The following HSPBP1 variants were observed in gnomAD, a reference collection of about 807,000 sequenced individuals.
HSPBP1 encodes hsp70-binding protein 1.
HSPBP1 carries 31 observed loss-of-function variants against 41.7 expected under a neutral mutation model. The ratio of observed to expected loss-of-function variants is 0.74; its 90% CI spans 0.56 to 1.00. The LOEUF is 1.00. Among genes scored for constraint, HSPBP1 ranks in the 50% least tolerant of loss-of-function variants. The pLI, the probability that HSPBP1 is intolerant of heterozygous loss-of-function variation, is 0.00. For missense variants in HSPBP1, 439 were observed against 487.9 expected (o/e 0.90, Z 0.94); for synonymous variants, 199 against 214.4 (o/e 0.93, Z 0.63).
rs2087896952 is a variant in HSPBP1 at position 55,270,586 on chromosome 19, CAG to C, written c.640+3810_640+3811del. Among the ~76,000 whole-genome samples the C allele has an allele frequency of 1.3e-5, 2 of 152,116 alleles. No homozygotes were observed. The highest frequency in any genetic ancestry group is 1.9e-4 in the East Asian group (1 of 5,194). On this transcript the variant is annotated intron_variant, in intron 4 of 7. Transcript: ENST00000433386. The surrounding 1 kb of genome is among the most constrained non-coding windows in gnomAD (Gnocchi z 5.4). The stretch of plus-strand genomic sequence containing the variant: ...GCTACTGTTGCTTAAGAAAAAAGGA[CAG>C]AGGCAGGTCAAGGTGCGCCACAGTC...
chr19:55,277,570 T>G, intron 3 of HSPBP1, 72 bp downstream of exon 3: 1 of 1,464,270 alleles, frequency 6.8e-7, no homozygotes, highest in Non-Finnish European at 9.4e-7. Flanking sequence ...GCCCCAAGAG[T>G]AGGGGCAAGA....
chr19:55,269,881 G>C (rs1312006066), intron 4 of HSPBP1, among the ~76,000 whole-genome samples: 1 of 152,140 alleles, frequency 6.6e-6, no homozygotes, highest in African/African-American at 2.4e-5. Flanking sequence ...TGTCCATGTA[G>C]GTTCATCGAT....
intron 2 of HSPBP1, 74 bp from the exon 3 acceptor site, chr19:55,277,920 A>G: frequency 1.7e-6 from 2 of 1,202,930 alleles, no homozygotes; most frequent in South Asian, 3.2e-5. Context: ...ATTAATAAAG[A>G]CAGCCAACAA....
chr19:55,279,593 A>C lies in HSPBP1; in HGVS notation c.16T>G (p.Ser6Ala). 6.3e-7 allele frequency: 1 copy of C among 1,593,008 alleles called. No individual in the cohort carries two copies. The highest frequency in any genetic ancestry group is 8.5e-7 in the Non-Finnish European group (1 of 1,170,168). Reference sequence around the variant, plus strand: ...GCCAGGGGCAGGCGGCTCCCCCTTGAGCCTTCGTCTGACATGGGCCGTTTG... The same window carrying C: ...GCCAGGGGCAGGCGGCTCCCCCTTGCGCCTTCGTCTGACATGGGCCGTTTG... MSDEG[S>A]RGSRLPLALP... is the part of the protein sequence containing the mutation. Residue 6 changes from serine to alanine, a missense_variant, in exon 2 of 8, where the codon TCA becomes GCA. Ser to Ala is a moderately conservative substitution (Grantham distance 99). Coordinates refer to ENST00000433386, the MANE Select transcript of HSPBP1 (RefSeq NM_012267.5).
In HSPBP1 at chr19:55,262,480, G is replaced by T; in HGVS notation, c.*128C>A. On this transcript the variant is annotated 3_prime_UTR_variant, in exon 8 of 8. Coordinates refer to ENST00000433386, the MANE Select transcript of HSPBP1 (RefSeq NM_012267.5). ...GCGCCCCTTCCAGGGACTGCACAGA[G>T]ACGGGCTGGCACACCCTGGGTCCAG... The T allele has an allele frequency of 6.7e-7, 1 of 1,482,436 alleles. No homozygotes were observed. The allele number at this position is 1,482,436 out of a possible 1,614,324, so 91.8% of individuals were successfully genotyped here.
Position 55,268,197 on chromosome 19 carries a change from G to A in HSPBP1, c.641-1911C>T, listed in dbSNP as rs190528897. On this transcript the variant is annotated intron_variant, in intron 4 of 7. Transcript: ENST00000433386. This position sits in a 1 kb window ranked among gnomAD's most constrained non-coding sequence, Gnocchi z 4.5. ...TGTAATCCCAGCACTTTGGGAGGCC[G>A]AGGTGGGCAGATCACTTGAGGTCAG... Among the ~76,000 whole-genome samples the A allele has an allele frequency of 7.5e-4, 114 of 152,256 alleles. No homozygotes were observed. Among genetic ancestry groups the A allele is most frequent in the African/African-American group, 2.1e-3 (89 of 41,542 alleles).
Position 55,265,357 on chromosome 19 carries a change from T to G in HSPBP1, c.926A>C (p.Glu309Ala). 6.2e-7 allele frequency: 1 copy of G among 1,607,724 alleles called. No individual in the cohort carries two copies. The highest frequency in any genetic ancestry group is 1.3e-5 in the African/African-American group (1 of 74,408). ...CAGGCCCAGTTCCGGCTCCCGACAC[T>G]CGCGCACACCCTGCGGAAAGTCTGT... Reference protein sequence around the residue: ...LVTDFPQGVRECREPELGLEE... With the variant: ...LVTDFPQGVRACREPELGLEE... Residue 309 changes from glutamate to alanine, a missense_variant, in exon 7 of 8, where the codon GAG becomes GCG. By Grantham distance (107) the Glu-to-Ala change is moderately radical (BLOSUM62 -1). Transcript: ENST00000433386.
In HSPBP1 at chr19:55,262,593, A is replaced by G; in HGVS notation, c.*15T>C. 1 of 1,613,400 alleles carries G rather than the reference A, an allele frequency of 6.2e-7. No individual in the cohort carries two copies. Among genetic ancestry groups the G allele is most frequent in the Non-Finnish European group, 8.5e-7 (1 of 1,179,606 alleles). Reference sequence around the variant, plus strand: ...TGGGGTTCCCACGGAGAAGGGGGCAAGAAGCCACCTGGTTTCACCGATCCA... The same window carrying G: ...TGGGGTTCCCACGGAGAAGGGGGCAGGAAGCCACCTGGTTTCACCGATCCA... On this transcript the variant is annotated 3_prime_UTR_variant, in exon 8 of 8. Transcript: ENST00000433386.
intron 3 of HSPBP1, among the ~76,000 whole-genome samples, chr19:55,276,442 CT>C (rs1406705404): frequency 6.6e-6 from 1 of 152,204 alleles, no homozygotes; most frequent in East Asian, 1.9e-4. Flanking sequence ...CACTGTGCAT[CT>C]TCATTAAGAC....
At chr19:55,275,237 C>A (rs1194329411) in intron 3 of HSPBP1, among the ~76,000 whole-genome samples, 2 of 152,158 alleles carry the variant, frequency 1.3e-5, no homozygotes, top group African/African-American at 4.8e-5. Flanking sequence ...CCAGGGTCAG[C>A]AAACCACAGC....
intron 4 of HSPBP1, among the ~76,000 whole-genome samples, chr19:55,273,641 C>A (rs74826068): frequency 1.3e-5 from 2 of 152,162 alleles, no homozygotes; most frequent in Non-Finnish European, 2.9e-5. Flanking sequence ...GTGTCCCAGG[C>A]GGCAGTATTT....
intron 4 of HSPBP1, among the ~76,000 whole-genome samples, chr19:55,271,921 G>C (rs1203118931): frequency 6.6e-6 from 1 of 152,124 alleles, no homozygotes; most frequent in Non-Finnish European, 1.5e-5. Flanking sequence ...AATTAGCTGG[G>C]CATGGTGGCA....
At position 55,262,252 on chromosome 19, in the gene HSPBP1, TC is replaced by T. The variant is rs2087664773; in HGVS notation, c.*355del. On this transcript the variant is annotated 3_prime_UTR_variant, in exon 8 of 8. Coordinates refer to ENST00000433386, the MANE Select transcript of HSPBP1 (RefSeq NM_012267.5). ...TGATAAAGAGCAACACTTTTATTAT[TC>T]TTCCAGTGGCTCCCCAAGTCCCTTA... 3 of 478,846 alleles carry T rather than the reference TC, an allele frequency of 6.3e-6. No individual in the cohort carries two copies. The highest frequency in any genetic ancestry group is 8.5e-6 in the Non-Finnish European group (3 of 352,474). 29.7% of individuals were successfully genotyped at this position (478,846 alleles called of 1,614,324 possible). A position where few individuals can be genotyped will look rare whatever the true frequency, so the allele number is the denominator to read the frequency against.
Position 55,262,507 on chromosome 19 carries a change from C to G in HSPBP1, c.*101G>C, listed in dbSNP as rs556750561. On this transcript the variant is annotated 3_prime_UTR_variant, in exon 8 of 8. Coordinates refer to ENST00000433386, the MANE Select transcript of HSPBP1 (RefSeq NM_012267.5). ...CGGGCTGGCACACCCTGGGTCCAGGCACCTAGGCCCTGCGATCCCTTGGGA... is the reference window on the plus strand; with the variant it reads ...CGGGCTGGCACACCCTGGGTCCAGGGACCTAGGCCCTGCGATCCCTTGGGA... The G allele has an allele frequency of 5.2e-6, 8 of 1,538,018 alleles. 1 individual carries two copies. The highest frequency in any genetic ancestry group is 4.9e-5 in the South Asian group (4 of 81,106).
chr19:55,267,964 G>C (rs1231257733), intron 4 of HSPBP1, among the ~76,000 whole-genome samples: 1 of 152,220 alleles, frequency 6.6e-6, no homozygotes, highest in African/African-American at 2.4e-5. Context: ...CCCCTCCTGG[G>C]TAGGCTCTAG....
intron 2 of HSPBP1, 82 bp downstream of exon 2, chr19:55,279,317 G>A: frequency 8.1e-7 from 1 of 1,239,372 alleles, no homozygotes; most frequent in Admixed American, 2.4e-5. Flanking sequence ...GTCTTCTTGT[G>A]GCTCCCCAAG....
intron 4 of HSPBP1, among the ~76,000 whole-genome samples, chr19:55,267,456 ATC>A (rs1436556037): frequency 1.0e-5 from 1 of 99,982 alleles, no homozygotes; most frequent in African/African-American, 4.4e-5. Flanking sequence ...CGGCTGTGTC[ATC>A]TCTCTCTTTT....
At chr19:55,265,804 A>G (rs2087758462) in intron 6 of HSPBP1, 82 bp downstream of exon 6, 1 of 880,590 alleles carries the variant, frequency 1.1e-6, no homozygotes, top group Non-Finnish European at 1.7e-6. Flanking sequence ...CTGAGTCCCT[A>G]CGGGCTGATT....
At chr19:55,264,070 C>A (rs1176181222) in intron 7 of HSPBP1, among the ~76,000 whole-genome samples, 1 of 150,874 alleles carries the variant, frequency 6.6e-6, no homozygotes, top group African/African-American at 2.4e-5. Flanking sequence ...CCGGTTCAAG[C>A]GATTCTCCTG....
Sources: gnomAD v4.1 joint callset for allele counts (sites outside exome capture counted in the v4.1 genomes callset) on GRCh38, gnomAD v4.1.1 for gene constraint, Gnocchi (gnomAD v3.1) non-coding constraint, MANE v1.5 for transcripts, NCBI Gene and HGNC (gene_info 2026-07-23, HGNC 2026-07-21) for gene names.